Variants in FHIT observed in about 807,000 individuals in gnomAD.
FHIT encodes bis(5'-adenosyl)-triphosphatase.
Under a neutral mutation model 17.9 loss-of-function variants are expected in FHIT, and 19 were observed. The observed-to-expected ratio is 1.06, with a 90% CI of 0.74 to 1.56. The LOEUF (loss-of-function observed/expected upper bound fraction) is 1.56. Ranked by LOEUF, FHIT falls within the 40% of genes most tolerant of loss-of-function variation. The pLI, the probability that FHIT is intolerant of heterozygous loss-of-function variation, is 0.00. For missense variants in FHIT, 248 were observed against 189.2 expected (o/e 1.31, Z -1.82); for synonymous variants, 81 against 69.7 (o/e 1.16, Z -0.81).
intron 5 of FHIT, among the ~76,000 whole-genome samples, chr3:60,090,899 A>T (rs1703703896): frequency 6.6e-6 from 1 of 152,206 alleles, no homozygotes; most frequent in Admixed American, 6.5e-5. Context: ...GAAGTGAAGG[A>T]AGTCAAGGAG....
chr3:61,099,244 C>G (rs911497469), intron 2 of FHIT, among the ~76,000 whole-genome samples: 1 of 152,150 alleles, frequency 6.6e-6, no homozygotes, highest in Non-Finnish European at 1.5e-5. Flanking sequence ...ATATGTTGAA[C>G]TAACTTTGCA....
intron 5 of FHIT, among the ~76,000 whole-genome samples, chr3:60,370,351 C>T (rs542194684): frequency 6.6e-5 from 10 of 152,256 alleles, no homozygotes; most frequent in South Asian, 2.1e-4. Flanking sequence ...ATTAACTGTT[C>T]GGAGTGTTTT....
chr3:60,021,649 T>C (rs1700557360), intron 5 of FHIT, among the ~76,000 whole-genome samples: 1 of 152,196 alleles, frequency 6.6e-6, no homozygotes, highest in Admixed American at 6.5e-5. Flanking sequence ...TAGGATAATA[T>C]CACCTCCCAA....
chr3:60,645,733 A>G (rs782416013), intron 4 of FHIT, among the ~76,000 whole-genome samples: 5 of 152,160 alleles, frequency 3.3e-5, no homozygotes, highest in East Asian at 3.9e-4. Context: ...GTACACATAT[A>G]TATGTGTGTA....
intron 5 of FHIT, among the ~76,000 whole-genome samples, chr3:60,164,068 G>T (rs1000755085): frequency 2.6e-5 from 4 of 151,950 alleles, no homozygotes; most frequent in Admixed American, 6.5e-5. Flanking sequence ...CATTTTTTTT[G>T]GAATTTCTCC....
chr3:60,342,497 T>C (rs560033727), intron 5 of FHIT, among the ~76,000 whole-genome samples: 24 of 152,248 alleles, frequency 1.6e-4, no homozygotes, highest in Admixed American at 3.3e-4. Flanking sequence ...ATATACAGTT[T>C]GTGTCTTTAA....
At chr3:59,779,392 A>G (rs1194742150) in intron 8 of FHIT, among the ~76,000 whole-genome samples, 4 of 152,102 alleles carry the variant, frequency 2.6e-5, no homozygotes, top group Non-Finnish European at 5.9e-5. Context: ...GGCTTTGTCC[A>G]TGGGTTGCCT....
At chr3:60,253,451 C>CA (rs1705828822) in intron 5 of FHIT, among the ~76,000 whole-genome samples, 1 of 152,110 alleles carries the variant, frequency 6.6e-6, no homozygotes, top group Non-Finnish European at 1.5e-5. Flanking sequence ...GCAACAATTA[C>CA]AAAAATGTAC....
rs1709048479 is a variant in FHIT at position 60,955,001 on chromosome 3, T to G, written c.-111+87046A>C. Among the ~76,000 whole-genome samples the G allele has an allele frequency of 2.6e-5, 4 of 152,180 alleles. No individual in the cohort carries two copies. The South Asian group carries it at 6.2e-4, about 24-fold the overall frequency. On this transcript the variant is annotated intron_variant, in intron 3 of 9. Transcript: ENST00000492590. Reference sequence around the variant, plus strand: ...TACTGATCAAATTAATTCTATTTATTGTTACCATATACTCCAAGATTCAAT... The same window carrying G: ...TACTGATCAAATTAATTCTATTTATGGTTACCATATACTCCAAGATTCAAT...
intron 7 of FHIT, among the ~76,000 whole-genome samples, chr3:59,931,144 A>G (rs930939460): frequency 7.2e-5 from 11 of 152,236 alleles, no homozygotes; most frequent in Non-Finnish European, 1.5e-4. Flanking sequence ...TATTCAGTCA[A>G]TTCCAGCAGT....
intron 4 of FHIT, among the ~76,000 whole-genome samples, chr3:60,588,035 A>C (rs1368909798): frequency 2.0e-5 from 3 of 151,958 alleles, no homozygotes; most frequent in Non-Finnish European, 4.4e-5. Flanking sequence ...TGTGATTAAA[A>C]ACAAAGGTCA....
intron 5 of FHIT, among the ~76,000 whole-genome samples, chr3:60,246,809 T>G (rs938447779): frequency 1.3e-5 from 2 of 152,174 alleles, no homozygotes; most frequent in Non-Finnish European, 2.9e-5. Flanking sequence ...TCTGCTGCAG[T>G]TGAAGCAAAT....
At chr3:60,119,057 C>T (rs369876833) in intron 5 of FHIT, among the ~76,000 whole-genome samples, 1 of 151,674 alleles carries the variant, frequency 6.6e-6, no homozygotes, top group Admixed American at 6.6e-5. Context: ...GGTCATTACC[C>T]TATTTCTTCA....
intron 3 of FHIT, among the ~76,000 whole-genome samples, chr3:60,933,939 GC>G (rs1196258574): frequency 6.6e-6 from 1 of 152,174 alleles, no homozygotes; most frequent in Admixed American, 6.5e-5. Flanking sequence ...AATCTATCAG[GC>G]CTCACACCAC....
chr3:60,854,254 AC>A (rs1703275451), intron 3 of FHIT, among the ~76,000 whole-genome samples: 1 of 152,006 alleles, frequency 6.6e-6, no homozygotes, highest in Non-Finnish European at 1.5e-5. Context: ...TCTTTCCCTA[AC>A]TTTTCTCATA....
intron 7 of FHIT, among the ~76,000 whole-genome samples, chr3:59,954,471 A>G (rs1000859457): frequency 2.6e-5 from 4 of 152,084 alleles, no homozygotes; most frequent in Admixed American, 2.6e-4. Context: ...GAAAACACAC[A>G]CACCTCTCAA....
intron 4 of FHIT, among the ~76,000 whole-genome samples, chr3:60,660,590 A>G (rs546754589): frequency 1.3e-5 from 2 of 152,058 alleles, no homozygotes; most frequent in African/African-American, 4.8e-5. Context: ...GGTGCTTTCT[A>G]CTTTTTGATC....
intron 2 of FHIT, among the ~76,000 whole-genome samples, chr3:61,093,140 G>A (rs1393089583): frequency 2.6e-5 from 4 of 152,282 alleles, no homozygotes; most frequent in South Asian, 2.1e-4. Flanking sequence ...AGTAAACAAC[G>A]TGGTGGGATG....
chr3:61,226,762 T>G (rs1226334528), intron 1 of FHIT, among the ~76,000 whole-genome samples: 1 of 152,154 alleles, frequency 6.6e-6, no homozygotes, highest in Admixed American at 6.5e-5. Flanking sequence ...CAAATGCAAA[T>G]GCAAATAATT....
Sources: gnomAD v4.1 joint callset for allele counts (sites outside exome capture counted in the v4.1 genomes callset) on GRCh38, gnomAD v4.1.1 for gene constraint, MANE v1.5 for transcripts, NCBI Gene and HGNC (gene_info 2026-07-23, HGNC 2026-07-21) for gene names.